The following CYP1A2 variants were observed in gnomAD, a reference collection of about 807,000 sequenced individuals.
CYP1A2 encodes the protein cytochrome P450 1A2.
A neutral mutation model predicts 34.7 loss-of-function variants in CYP1A2; 35 were observed. The ratio of observed to expected loss-of-function variants is 1.01; its 90% CI spans 0.77 to 1.34. The LOEUF (loss-of-function observed/expected upper bound fraction) is 1.34. Among genes scored for constraint, CYP1A2 ranks in the 40% most tolerant of loss-of-function variants. The pLI is 0.00. For missense variants in CYP1A2, 675 were observed against 675.8 expected (o/e 1.00, Z 0.01); for synonymous variants, 288 against 281.9 (o/e 1.02, Z -0.22).
At chr15:74,754,384 C>T (rs1303964671) in intron 6 of CYP1A2, among the ~76,000 whole-genome samples, 13 of 144,956 alleles carry the variant, frequency 9.0e-5, no homozygotes, top group Non-Finnish European at 1.3e-4. Flanking sequence ...GAAGGTGGAT[C>T]GCTTGAGCTC....
intron 3 of CYP1A2, 122 bp from the exon 4 acceptor site, chr15:74,751,643 G>A (rs1406488711): frequency 9.9e-6 from 10 of 1,008,574 alleles, no homozygotes; most frequent in Non-Finnish European, 1.5e-5. Flanking sequence ...CTGTCTTCAG[G>A]AAACTCACAG....
chr15:74,750,288 G>A lies in CYP1A2; in HGVS notation c.550G>A (p.Gly184Arg). The A allele has an allele frequency of 6.2e-7, 1 of 1,614,220 alleles. No homozygotes were observed. The highest frequency in any genetic ancestry group is 1.1e-5 in the South Asian group (1 of 91,086). ...SRLQELMAGPGHFDPYNQVVV... is the reference protein window; with the variant it reads ...SRLQELMAGPRHFDPYNQVVV... ...GTTGCAGGAGCTGATGGCAGGGCCTGGGCACTTCGACCCTTACAATCAGGT... is the reference window on the plus strand; with the variant it reads ...GTTGCAGGAGCTGATGGCAGGGCCTAGGCACTTCGACCCTTACAATCAGGT... The change falls in exon 2 of 7, where the codon GGG (glycine) becomes AGG (arginine). Residue 184 changes from glycine to arginine, a missense_variant. Gly to Arg is a moderately radical substitution (Grantham distance 125). Coordinates refer to ENST00000343932, the MANE Select transcript of CYP1A2 (RefSeq NM_000761.5).
chr15:74,752,383 C>G (rs1048662511), intron 5 of CYP1A2, 136 bp downstream of exon 5: 20 of 1,243,712 alleles, frequency 1.6e-5, no homozygotes, highest in Non-Finnish European at 1.8e-5. Flanking sequence ...CAGTCTGCCC[C>G]CATCCAGTCC....
intron 6 of CYP1A2, 44 bp downstream of exon 6, chr15:74,753,314 G>C (rs1183141285): frequency 6.6e-7 from 1 of 1,512,360 alleles, no homozygotes; most frequent in Non-Finnish European, 9.2e-7. Flanking sequence ...AGGTTCAGCA[G>C]TCAGGAAGGC....
In CYP1A2 at chr15:74,755,386, T is replaced by C. The variant is rs2063333957; in HGVS notation, c.*298T>C. The C allele has an allele frequency of 4.3e-6, 1 of 233,334 alleles. No individual in the cohort carries two copies. The highest frequency in any genetic ancestry group is 8.2e-6 in the Non-Finnish European group (1 of 121,622). The allele number at this position is 233,334 out of a possible 1,614,324, so 14.5% of individuals were successfully genotyped here. A position where few individuals can be genotyped will look rare whatever the true frequency, so the allele number is the denominator to read the frequency against. On this transcript the variant is annotated 3_prime_UTR_variant, in exon 7 of 7. Coordinates refer to ENST00000343932, the MANE Select transcript of CYP1A2 (RefSeq NM_000761.5). Reference sequence around the variant, plus strand: ...ACAAACAAACAAAAAAAAAACCATATATATACATATATATATAGCAGCTTT... The same window carrying C: ...ACAAACAAACAAAAAAAAAACCATACATATACATATATATATAGCAGCTTT...
intron 6 of CYP1A2, among the ~76,000 whole-genome samples, 177 bp from the exon 7 acceptor site, chr15:74,754,614 A>G (rs2063329745): frequency 6.6e-6 from 1 of 151,246 alleles, no homozygotes; most frequent in Non-Finnish European, 1.5e-5. Flanking sequence ...AAAAAAAAAA[A>G]GAAAGAAAAG....
chr15:74,754,450 A>G (rs2141741396), intron 6 of CYP1A2, among the ~76,000 whole-genome samples: 1 of 144,082 alleles, frequency 6.9e-6, no homozygotes, highest in African/African-American at 2.6e-5. Flanking sequence ...AAAAAAAAAT[A>G]CAAAAATTAG....
Position 74,755,487 on chromosome 15 carries a change from A to ACCC in CYP1A2, c.*400_*402dup, listed in dbSNP as rs2141742825. 6.5e-6 allele frequency: 1 copy of ACCC among 152,758 alleles called. No homozygotes were observed. Among genetic ancestry groups the ACCC allele is most frequent in the South Asian group, 1.6e-4 (1 of 6,158 alleles). 9.5% of individuals were successfully genotyped at this position (152,758 alleles called of 1,614,324 possible). ...GTCTGAGACAGAATCTCAGTCTGTCACCCAGGTTGGAGTGCAGTGGCGTGA... is the reference window on the plus strand; with the variant it reads ...GTCTGAGACAGAATCTCAGTCTGTCACCCCCCAGGTTGGAGTGCAGTGGCGTGA... On this transcript the variant is annotated 3_prime_UTR_variant, in exon 7 of 7. Transcript: ENST00000343932.
At chr15:74,751,881 C>T in intron 4 of CYP1A2, 27 bp downstream of exon 4, 1 of 1,606,212 alleles carries the variant, frequency 6.2e-7, no homozygotes, top group Admixed American at 1.7e-5. Flanking sequence ...AACCCTATAG[C>T]CAGGAGAAGC....
At position 74,756,604 on chromosome 15, in the gene CYP1A2, G is replaced by A. The variant is rs1311066567; in HGVS notation, c.*1516G>A. Among the ~76,000 whole-genome samples, 1 of 152,094 alleles carries A rather than the reference G, an allele frequency of 6.6e-6. No homozygotes were observed. The highest frequency in any genetic ancestry group is 2.4e-5 in the African/African-American group (1 of 41,404). On this transcript the variant is annotated 3_prime_UTR_variant, in exon 7 of 7. Transcript: ENST00000343932. The stretch of plus-strand genomic sequence containing the variant: ...ATATAAATGGAATTACACAATGAGT[G>A]GTCTTTTGTGACTGGCTTCTTTCAC...
chr15:74,750,860 T>G (rs2063311929), intron 2 of CYP1A2, among the ~76,000 whole-genome samples: 1 of 152,140 alleles, frequency 6.6e-6, no homozygotes, highest in African/African-American at 2.4e-5. Flanking sequence ...TGAGAAAGCT[T>G]TCATTCTGCA....
chr15:74,752,960 C>T (rs576944337), intron 5 of CYP1A2, among the ~76,000 whole-genome samples: 19 of 145,482 alleles, frequency 1.3e-4, no homozygotes, highest in African/African-American at 4.8e-4. Context: ...CAGCCAAGTG[C>T]GCAGCCAGGC....
chr15:74,754,713 A>T, intron 6 of CYP1A2, 78 bp from the exon 7 acceptor site: 1 of 1,453,740 alleles, frequency 6.9e-7, no homozygotes, highest in Non-Finnish European at 9.4e-7. Flanking sequence ...TGTTCTCAAC[A>T]GAAGTCTCCC....
In CYP1A2 at chr15:74,754,793, A is replaced by T; in HGVS notation, c.1256A>T (p.Glu419Val). 6.2e-7 allele frequency: 1 copy of T among 1,609,504 alleles called. No homozygotes were observed. The highest frequency in any genetic ancestry group is 8.5e-7 in the Non-Finnish European group (1 of 1,176,092). Residue 419 changes from glutamate (E) to valine (V), a missense_variant and splice_region_variant, in exon 7 of 7, where the codon GAG (glutamate) becomes GTG (valine). Glu to Val is a moderately radical substitution (Grantham distance 121). Coordinates refer to ENST00000343932, the MANE Select transcript of CYP1A2 (RefSeq NM_000761.5). ...VNQWQVNHDPELWEDPSEFRP... is the reference protein window; with the variant it reads ...VNQWQVNHDPVLWEDPSEFRP... ...CATCTCCTCTGTTCCTCTTGCAGAG[A>T]GCTGTGGGAGGACCCCTCTGAGTTC...
At position 74,750,304 on chromosome 15, in the gene CYP1A2, ACAAT is replaced by A; in HGVS notation, c.569_572del (p.Asn190ArgfsTer30). 1 of 1,613,652 alleles carries A rather than the reference ACAAT, an allele frequency of 6.2e-7. No individual in the cohort carries two copies. Among genetic ancestry groups the A allele is most frequent in the Non-Finnish European group, 8.5e-7 (1 of 1,179,898 alleles). On this transcript the variant is annotated frameshift_variant, in exon 2 of 7. Transcript: ENST00000343932. LOFTEE classifies it high-confidence loss of function. ...GCAGGGCCTGGGCACTTCGACCCTTACAATCAGGTGGTGGTGTCAGTGGCCAACG... is the reference window on the plus strand; with the variant it reads ...GCAGGGCCTGGGCACTTCGACCCTTACAGGTGGTGGTGTCAGTGGCCAACG...
At chr15:74,754,396 T>C (rs61551471) in intron 6 of CYP1A2, among the ~76,000 whole-genome samples, 1 of 134,152 alleles carries the variant, frequency 7.5e-6, no homozygotes, top group South Asian at 2.3e-4. Context: ...CTTGAGCTCA[T>C]GAGTCTGAGA....
intron 4 of CYP1A2, 44 bp from the exon 5 acceptor site, chr15:74,752,080 G>T (rs2141738982): frequency 6.2e-7 from 1 of 1,610,770 alleles, no homozygotes; most frequent in African/African-American, 1.3e-5. Flanking sequence ...TCATGGGGCA[G>T]TTAGGGCAGC....
chr15:74,751,403 C>T, intron 3 of CYP1A2, 94 bp downstream of exon 3: 3 of 1,529,706 alleles, frequency 2.0e-6, no homozygotes, highest in Non-Finnish European at 2.7e-6. Flanking sequence ...ACCCACCAAC[C>T]CTACACCAGA....
In CYP1A2 at chr15:74,751,718, C is replaced by T. The variant is rs1002569182; in HGVS notation, c.953-47C>T. 6 of 1,570,786 alleles carry T rather than the reference C, an allele frequency of 3.8e-6. No individual in the cohort carries two copies. In the African/African-American group the frequency reaches 8.1e-5, roughly 21 times the overall value. ...CAGATACTTGGGAAATGATGGTTTCCTTGTTTCTGTCTTCCTTCTTTCCTC... is the reference window on the plus strand; with the variant it reads ...CAGATACTTGGGAAATGATGGTTTCTTTGTTTCTGTCTTCCTTCTTTCCTC... On this transcript the variant is annotated intron_variant, in intron 3 of 6. Transcript: ENST00000343932.
Sources: allele counts gnomAD v4.1 joint callset (sites outside exome capture counted in the v4.1 genomes callset), GRCh38; gene constraint gnomAD v4.1.1; transcripts MANE v1.5; gene names NCBI Gene and HGNC (gene_info 2026-07-23, HGNC 2026-07-21).